Variants in ADGRL3 observed in about 807,000 individuals in gnomAD.
ADGRL3 encodes the protein adhesion G protein-coupled receptor L3.
ADGRL3 carries 62 observed loss-of-function variants against 153.5 expected under a neutral mutation model. The observed-to-expected ratio is 0.40, with a 90% confidence interval of 0.33 to 0.50. The LOEUF is 0.50. ADGRL3 is among the 20% of genes least tolerant of loss of function. ADGRL3 has a pLI of 0.47. For synonymous variants in ADGRL3, 710 were observed against 672.5 expected, an observed-to-expected ratio of 1.06 and a Z score of -0.86; for missense variants, 1,641 against 1,859.4, an observed-to-expected ratio of 0.88 and a Z score of 2.16.
At chr4:61,599,526 T>G (rs971858550) in intron 5 of ADGRL3, among the ~76,000 whole-genome samples, 2 of 152,186 alleles carry the variant, frequency 1.3e-5, no homozygotes, top group African/African-American at 4.8e-5. Context: ...AGAGATGCGG[T>G]TTCGCCCTGT....
chr4:61,231,713 T>C (rs1389870161), intron 1 of ADGRL3, among the ~76,000 whole-genome samples: 2 of 152,052 alleles, frequency 1.3e-5, no homozygotes, highest in Non-Finnish European at 2.9e-5. Context: ...TTCCCATAAA[T>C]AAATAAGACG....
At chr4:61,994,863 C>T (rs1434248263) in intron 19 of ADGRL3, among the ~76,000 whole-genome samples, 2 of 150,632 alleles carry the variant, frequency 1.3e-5, no homozygotes, top group Admixed American at 6.6e-5. Flanking sequence ...ATTATATATA[C>T]ATTTGATATA....
At chr4:61,303,585 T>A (rs922451809) in intron 1 of ADGRL3, among the ~76,000 whole-genome samples, 7 of 152,300 alleles carry the variant, frequency 4.6e-5, no homozygotes, top group Admixed American at 4.6e-4. Context: ...GTCATTTTTT[T>A]AATTGTTTGA....
At chr4:61,736,383 G>A (rs1580522354) in intron 8 of ADGRL3, among the ~76,000 whole-genome samples, 1 of 152,154 alleles carries the variant, frequency 6.6e-6, no homozygotes, top group East Asian at 1.9e-4. Flanking sequence ...GCTGGGCGTG[G>A]TGGCTCTTGC....
intron 2 of ADGRL3, among the ~76,000 whole-genome samples, chr4:61,461,779 TTGTG>T (rs1360482864): frequency 2.0e-5 from 3 of 152,118 alleles, no homozygotes; most frequent in Non-Finnish European, 4.4e-5. Flanking sequence ...AGAAACACTG[TTGTG>T]TAACAAATAA....
At chr4:61,509,214 G>A (rs948534256) in intron 3 of ADGRL3, among the ~76,000 whole-genome samples, 7 of 140,850 alleles carry the variant, frequency 5.0e-5, no homozygotes, top group South Asian at 2.3e-4. Flanking sequence ...TGCAACCTCC[G>A]CCTCCCGGGT....
intron 3 of ADGRL3, among the ~76,000 whole-genome samples, chr4:61,510,535 T>C (rs548360707): frequency 9.2e-5 from 14 of 152,292 alleles, no homozygotes; most frequent in African/African-American, 3.4e-4. Context: ...CCATTGCATA[T>C]TTTTTGTTGA....
intron 8 of ADGRL3, among the ~76,000 whole-genome samples, chr4:61,774,959 A>C (rs2097130846): frequency 6.6e-6 from 1 of 152,298 alleles, no homozygotes; most frequent in Admixed American, 6.5e-5. Context: ...TGCCGTCTCC[A>C]GGCTGATAAA....
chr4:61,257,576 C>T (rs938915347), intron 1 of ADGRL3, among the ~76,000 whole-genome samples: 1 of 151,898 alleles, frequency 6.6e-6, no homozygotes, highest in Non-Finnish European at 1.5e-5. Flanking sequence ...AAATAGGTAG[C>T]TCAGGAAGAC....
At chr4:62,061,656 C>T (rs186800358) in intron 25 of ADGRL3, among the ~76,000 whole-genome samples, 9 of 152,084 alleles carry the variant, frequency 5.9e-5, no homozygotes, top group Admixed American at 5.9e-4. Flanking sequence ...ATCTGTTCTC[C>T]ATTTCTATTA....
chr4:61,362,674 C>T (rs2096306330), intron 1 of ADGRL3, among the ~76,000 whole-genome samples: 2 of 152,084 alleles, frequency 1.3e-5, no homozygotes, highest in Admixed American at 1.3e-4. Flanking sequence ...TAAAGGTTTT[C>T]AGCCTCGTCT....
intron 9 of ADGRL3, among the ~76,000 whole-genome samples, chr4:61,869,109 A>AT (rs933615610): frequency 2.0e-5 from 3 of 151,966 alleles, no homozygotes; most frequent in African/African-American, 4.8e-5. Context: ...TGCCCAGCTA[A>AT]TTTTTTTGTA....
chr4:61,804,327 G>A (rs995867747), intron 8 of ADGRL3, among the ~76,000 whole-genome samples: 5 of 152,062 alleles, frequency 3.3e-5, no homozygotes, highest in African/African-American at 9.6e-5. Context: ...AATCTTGCTG[G>A]GCCATCCTCC....
chr4:61,342,379 ATATT>A (rs2095823819), intron 1 of ADGRL3, among the ~76,000 whole-genome samples: 1 of 152,178 alleles, frequency 6.6e-6, no homozygotes, highest in Non-Finnish European at 1.5e-5. Flanking sequence ...AATTATATAA[ATATT>A]TAATAGTGAT....
chr4:61,871,923 C>T (rs1035341552), intron 9 of ADGRL3, among the ~76,000 whole-genome samples: 14 of 152,172 alleles, frequency 9.2e-5, no homozygotes, highest in Non-Finnish European at 2.1e-4. Flanking sequence ...CTTTCAGTTA[C>T]GCCTGCCTTG....
At chr4:61,229,271 G>A (rs1749440865) in intron 1 of ADGRL3, among the ~76,000 whole-genome samples, 1 of 152,120 alleles carries the variant, frequency 6.6e-6, no homozygotes, top group African/African-American at 2.4e-5. Context: ...TTATTTACTT[G>A]TTTATGAATA....
At chr4:61,432,719 T>C (rs890747468) in intron 2 of ADGRL3, among the ~76,000 whole-genome samples, 2 of 148,440 alleles carry the variant, frequency 1.3e-5, no homozygotes, top group African/African-American at 2.5e-5. Flanking sequence ...AATAGAGCGA[T>C]CTCGGCGCAC....
At chr4:61,651,594 GT>G (rs1447673124) in intron 5 of ADGRL3, among the ~76,000 whole-genome samples, 1 of 151,434 alleles carries the variant, frequency 6.6e-6, no homozygotes, top group East Asian at 1.9e-4. Flanking sequence ...TTGTGTGTTT[GT>G]TTTGTTTTTG....
intron 1 of ADGRL3, among the ~76,000 whole-genome samples, chr4:61,262,958 G>A (rs1472982691): frequency 6.6e-6 from 1 of 151,940 alleles, no homozygotes; most frequent in African/African-American, 2.4e-5. Context: ...GTAGTACTGG[G>A]GAAGATTTGC....
Sources: allele counts gnomAD v4.1 joint callset (sites outside exome capture counted in the v4.1 genomes callset), GRCh38; gene constraint gnomAD v4.1.1; transcripts MANE v1.5; gene names NCBI Gene and HGNC (gene_info 2026-07-23, HGNC 2026-07-21).